DDX60L: variants seen among roughly 807,000 people sequenced by gnomAD.
DDX60L encodes probable ATP-dependent RNA helicase DDX60-like.
Under a neutral mutation model 211.6 loss-of-function variants are expected in DDX60L, and 191 were observed. That is an observed-to-expected ratio of 0.90 (90% CI 0.80 to 1.02). DDX60L has a LOEUF of 1.02. Among genes scored for constraint, DDX60L ranks in the 50% least tolerant of loss-of-function variants. The pLI, the probability that DDX60L is intolerant of heterozygous loss-of-function variation, is 0.00. For synonymous variants in DDX60L, 706 were observed against 694.1 expected (o/e 1.02, Z -0.27); for missense variants, 2,007 against 1,984.1 (o/e 1.01, Z -0.22).
rs1742550464 is a variant in DDX60L at position 168,379,512 on chromosome 4, T to C, written c.4222-8A>G. 6.5e-7 allele frequency: 1 copy of C among 1,544,804 alleles called. No homozygotes were observed. The highest frequency in any genetic ancestry group is 1.4e-5 in the African/African-American group (1 of 71,884). ...CTTTTTATTTAAATAGTCCTAAAAATGAGAAACAAAAAGTTGATTTAACTT... is the reference window on the plus strand; with the variant it reads ...CTTTTTATTTAAATAGTCCTAAAAACGAGAAACAAAAAGTTGATTTAACTT... On this transcript the variant is annotated splice_region_variant and splice_polypyrimidine_tract_variant and intron_variant, in intron 31 of 37. Coordinates refer to ENST00000682922, the MANE Select transcript of DDX60L (RefSeq NM_001012967.3).
intron 29 of DDX60L, chr4:168,390,421 G>A: frequency 1.5e-6 from 2 of 1,299,984 alleles, no homozygotes; most frequent in South Asian, 2.5e-5. Flanking sequence ...GGAAAATATG[G>A]CTTTTAAAGT....
intron 36 of DDX60L, among the ~76,000 whole-genome samples, chr4:168,371,047 A>G (rs1740916124): frequency 7.0e-6 from 1 of 143,862 alleles, no homozygotes; most frequent in Non-Finnish European, 1.5e-5. Context: ...TTTGTGGGAA[A>G]AAAATAAATA....
intron 36 of DDX60L, among the ~76,000 whole-genome samples, chr4:168,367,411 C>G (rs1199474205): frequency 1.3e-5 from 2 of 152,166 alleles, no homozygotes; most frequent in African/African-American, 4.8e-5. Context: ...GTGAGACGTG[C>G]CTTTCACCTT....
intron 26 of DDX60L, among the ~76,000 whole-genome samples, chr4:168,397,684 G>A (rs759497803): frequency 6.6e-5 from 10 of 152,302 alleles, no homozygotes; most frequent in Admixed American, 3.3e-4. Context: ...TTGTATGTAC[G>A]ACAATCTAAC....
Position 168,415,597 on chromosome 4 carries a change from T to C in DDX60L, c.2869+60A>G, listed in dbSNP as rs1749420171. On this transcript the variant is annotated intron_variant, in intron 21 of 37. Transcript: ENST00000682922. ...TGGATTTAAAACACAAAAATCCCTA[T>C]AAAAAGCTTTGTAGTAAAATATAAA... The C allele has an allele frequency of 2.1e-6, 3 of 1,431,862 alleles. No homozygotes were observed. In the South Asian group the frequency reaches 4.2e-5, roughly 20 times the overall value. 88.7% of individuals were successfully genotyped at this position (1,431,862 alleles called of 1,614,324 possible). A position where few individuals can be genotyped will look rare whatever the true frequency, so the allele number is the denominator to read the frequency against.
intron 28 of DDX60L, among the ~76,000 whole-genome samples, chr4:168,392,612 G>A (rs1007971319): frequency 2.6e-5 from 4 of 152,102 alleles, no homozygotes; most frequent in African/African-American, 9.7e-5. Flanking sequence ...GGGAGGCCAA[G>A]GCAGGCCGAT....
chr4:168,475,267 G>A (rs746431587), intron 1 of DDX60L, among the ~76,000 whole-genome samples: 35 of 152,160 alleles, frequency 2.3e-4, no homozygotes, highest in African/African-American at 7.2e-5. Flanking sequence ...GCACCTGGAC[G>A]TAATGAAAAC....
chr4:168,372,464 G>A (rs1258863854), intron 35 of DDX60L, among the ~76,000 whole-genome samples: 5 of 152,154 alleles, frequency 3.3e-5, no homozygotes, highest in Non-Finnish European at 5.9e-5. Context: ...GGTGGCTCAT[G>A]CCTGTAATCC....
intron 4 of DDX60L, 43 bp from the exon 5 acceptor site, chr4:168,462,083 CCTTTA>C (rs1757394105): frequency 5.8e-6 from 8 of 1,383,130 alleles, no homozygotes; most frequent in Admixed American, 2.2e-5. Flanking sequence ...TTCAAATCTT[CCTTTA>C]CTTATTTGTT....
intron 6 of DDX60L, 31 bp from the exon 7 acceptor site, chr4:168,456,183 A>G (rs1756547817): frequency 1.5e-6 from 2 of 1,327,240 alleles, no homozygotes; most frequent in African/African-American, 1.5e-5. Flanking sequence ...TCAAATGTCA[A>G]ATTATTTAGA....
intron 1 of DDX60L, among the ~76,000 whole-genome samples, chr4:168,479,615 C>A (rs990496225): frequency 1.3e-5 from 2 of 151,922 alleles, no homozygotes; most frequent in Non-Finnish European, 2.9e-5. Flanking sequence ...AAAAGAGAAG[C>A]GGGAAAAAAG....
At position 168,394,526 on chromosome 4, in the gene DDX60L, C is replaced by T. The variant is rs376013375; in HGVS notation, c.3749G>A (p.Ser1250Asn). Residue 1250 changes from serine to asparagine, a missense_variant, in exon 28 of 38, where the codon AGC becomes AAC. Coordinates refer to ENST00000682922, the MANE Select transcript of DDX60L (RefSeq NM_001012967.3). ...CTCTTTTTCTTTAAAATACATGCTG[C>T]TGTGATGATATCCAATCCCCCTTTG... ...LAQRGIGYHH[S>N]SMYFKEKEFV... The T allele has an allele frequency of 1.2e-5, 19 of 1,613,430 alleles. No individual in the cohort carries two copies. Among genetic ancestry groups the T allele is most frequent in the Non-Finnish European group, 1.6e-5 (19 of 1,179,466 alleles).
intron 22 of DDX60L, among the ~76,000 whole-genome samples, chr4:168,415,098 T>C (rs570754618): frequency 1.3e-5 from 2 of 151,980 alleles, no homozygotes; most frequent in Non-Finnish European, 2.9e-5. Context: ...ATTACCATTG[T>C]GTATCCATTA....
At chr4:168,375,305 T>C (rs1741757008) in intron 34 of DDX60L, 72 bp downstream of exon 34, 2 of 1,491,510 alleles carry the variant, frequency 1.3e-6, no homozygotes, top group Non-Finnish European at 1.8e-6. Context: ...AAGCATCCAA[T>C]ATCCAGAGGC....
chr4:168,467,284 C>T (rs144637191), intron 4 of DDX60L, among the ~76,000 whole-genome samples: 154 of 152,060 alleles, frequency 1.0e-3, no homozygotes, highest in African/African-American at 3.7e-3. Flanking sequence ...TGCCACACGC[C>T]TGTAGTCCCA....
At position 168,427,223 on chromosome 4, in the gene DDX60L, T is replaced by C. The variant is rs752789876; in HGVS notation, c.1777A>G (p.Ile593Val). 7 of 1,613,720 alleles carry C rather than the reference T, an allele frequency of 4.3e-6. No individual in the cohort carries two copies. Among genetic ancestry groups the C allele is most frequent in the Admixed American group, 1.7e-5 (1 of 59,994 alleles). ...AAATTGTTCTTCATCTCCTCTTCAA[T>C]AGAAAACAGCAGATCATCGTTTTGC... is the stretch of plus-strand genomic sequence containing the variant. ...AQQNDDLLFS[I>V]EEEMKNNLHS... The change falls in exon 14 of 38, where the codon ATT becomes GTT. Residue 593 changes from isoleucine (I) to valine (V), a missense_variant. Coordinates refer to ENST00000682922, the MANE Select transcript of DDX60L (RefSeq NM_001012967.3).
At chr4:168,474,157 T>C (rs1561147948) in intron 1 of DDX60L, among the ~76,000 whole-genome samples, 1 of 152,002 alleles carries the variant, frequency 6.6e-6, no homozygotes, top group East Asian at 1.9e-4. Flanking sequence ...ATTTGAAAAA[T>C]AAAAGAGTTA....
At chr4:168,419,193 G>T in intron 19 of DDX60L, 109 bp downstream of exon 19, 1 of 662,840 alleles carries the variant, frequency 1.5e-6, no homozygotes, top group Non-Finnish European at 2.4e-6. Flanking sequence ...TACCCTGGCT[G>T]ACGCACAACT....
intron 20 of DDX60L, 132 bp from the exon 21 acceptor site, chr4:168,415,931 GT>G (rs2149841313): frequency 1.3e-6 from 1 of 781,624 alleles, no homozygotes; most frequent in African/African-American, 1.8e-5. Context: ...AACCACCTGA[GT>G]TGACTTCAGA....
Sources: allele counts gnomAD v4.1 joint callset (sites outside exome capture counted in the v4.1 genomes callset), GRCh38; gene constraint gnomAD v4.1.1; transcripts MANE v1.5; gene names NCBI Gene and HGNC (gene_info 2026-07-23, HGNC 2026-07-21).